The following IMMP2L variants were observed in gnomAD, a reference collection of about 807,000 sequenced individuals.
IMMP2L encodes inner mitochondrial membrane peptidase subunit 2.
IMMP2L carries 18 observed loss-of-function variants against 19.3 expected under a neutral mutation model. The ratio of observed to expected loss-of-function variants is 0.93; its 90% CI spans 0.64 to 1.38. The LOEUF is 1.38. Among genes scored for constraint, IMMP2L ranks in the 40% most tolerant of loss-of-function variants. The pLI is 0.00. For missense variants in IMMP2L, 233 were observed against 218.2 expected, an observed-to-expected ratio of 1.07 and a Z score of -0.43; for synonymous variants, 76 against 73.0, an observed-to-expected ratio of 1.04 and a Z score of -0.21.
At chr7:111,088,914 C>T (rs566276041) in intron 3 of IMMP2L, among the ~76,000 whole-genome samples, 2 of 152,188 alleles carry the variant, frequency 1.3e-5, no homozygotes, top group East Asian at 1.9e-4. Flanking sequence ...AGAACAGAAT[C>T]GCCATCCTTT....
At chr7:111,507,417 A>G (rs1034959032) in intron 2 of IMMP2L, among the ~76,000 whole-genome samples, 2 of 152,092 alleles carry the variant, frequency 1.3e-5, no homozygotes, top group African/African-American at 4.8e-5. Context: ...CATTAGGTAT[A>G]TCTTCTATTT....
Position 110,877,294 on chromosome 7 carries a change from A to G in IMMP2L, c.408+9299T>C, listed in dbSNP as rs567338174. Among the ~76,000 whole-genome samples the G allele has an allele frequency of 2.4e-4, 36 of 152,308 alleles. No individual in the cohort carries two copies. The South Asian group carries it at 7.0e-3, about 30-fold the overall frequency. ...CCCAGTTCTGGGCTACAGGGATACAAGGATGAGTTAGCTCCCATAGTTGCC... is the reference window on the plus strand; with the variant it reads ...CCCAGTTCTGGGCTACAGGGATACAGGGATGAGTTAGCTCCCATAGTTGCC... On this transcript the variant is annotated intron_variant, in intron 5 of 5. Coordinates refer to ENST00000405709, the MANE Select transcript of IMMP2L (RefSeq NM_032549.4). The surrounding 1 kb of genome is among the most constrained non-coding windows in gnomAD (Gnocchi z 4.0).
chr7:111,415,398 T>C (rs1834868396), intron 3 of IMMP2L, among the ~76,000 whole-genome samples: 1 of 151,708 alleles, frequency 6.6e-6, no homozygotes, highest in African/African-American at 2.4e-5. Flanking sequence ...AGCACAAAAT[T>C]CAGCTATGCC....
chr7:111,514,739 C>A (rs939756112), intron 2 of IMMP2L, among the ~76,000 whole-genome samples: 6 of 151,982 alleles, frequency 3.9e-5, no homozygotes, highest in Admixed American at 2.6e-4. Flanking sequence ...CATAGCCAAT[C>A]TTGTTTCATC....
At chr7:110,882,506 G>A (rs1239767268) in intron 5 of IMMP2L, among the ~76,000 whole-genome samples, 12 of 151,962 alleles carry the variant, frequency 7.9e-5, no homozygotes, top group Admixed American at 2.0e-4. Flanking sequence ...TCAGCCTCCC[G>A]AGTAGCTGAG....
chr7:110,891,646 T>C (rs1052023543), intron 4 of IMMP2L, among the ~76,000 whole-genome samples: 1 of 152,112 alleles, frequency 6.6e-6, no homozygotes, highest in Non-Finnish European at 1.5e-5. Context: ...TTAAAAAGTA[T>C]AAAGGGAATT....
intron 3 of IMMP2L, among the ~76,000 whole-genome samples, chr7:111,378,101 T>C (rs1830853212): frequency 2.0e-5 from 3 of 151,976 alleles, no homozygotes; most frequent in South Asian, 4.1e-4. Context: ...TAAAAAAAAC[T>C]GAAATATAAT....
intron 3 of IMMP2L, among the ~76,000 whole-genome samples, chr7:111,098,942 C>T (rs1447953237): frequency 6.6e-6 from 1 of 151,734 alleles, no homozygotes; most frequent in Non-Finnish European, 1.5e-5. Flanking sequence ...TCATATCATG[C>T]ATTCTGCTCA....
chr7:110,675,409 A>G lies in IMMP2L; in HGVS notation c.409-11688T>C, dbSNP rs142080401. 2.7e-3 allele frequency among the ~76,000 whole-genome samples: 408 copies of G among 152,144 alleles called. 6 individuals are homozygous for G. The highest frequency in any genetic ancestry group is 9.1e-3 in the African/African-American group (379 of 41,498). ...TTCTCCCATAGTTTTTCTCCCCCCA[A>G]ATGCAACCGTATTTCATCAAAGGCA... On this transcript the variant is annotated intron_variant, in intron 5 of 5. Coordinates refer to ENST00000405709, the MANE Select transcript of IMMP2L (RefSeq NM_032549.4).
chr7:110,733,476 G>A lies in IMMP2L; in HGVS notation c.409-69755C>T, dbSNP rs1353311114. Among the ~76,000 whole-genome samples the A allele has an allele frequency of 2.0e-5, 3 of 149,706 alleles. No individual in the cohort carries two copies. In the East Asian group the frequency reaches 5.8e-4, roughly 29 times the overall value. ...GGAGTGTTTTTTTTTTTTTTAGATA[G>A]GTTGCAAAGAGCCCAGCTAAAAATG... On this transcript the variant is annotated intron_variant, in intron 5 of 5. Coordinates refer to ENST00000405709, the MANE Select transcript of IMMP2L (RefSeq NM_032549.4).
chr7:111,227,875 C>T (rs1205471622), intron 3 of IMMP2L, among the ~76,000 whole-genome samples: 1 of 152,104 alleles, frequency 6.6e-6, no homozygotes, highest in Non-Finnish European at 1.5e-5. Context: ...GTATTTATAA[C>T]ATTTTGAGTA....
At chr7:111,030,273 A>T (rs1585843731) in intron 3 of IMMP2L, among the ~76,000 whole-genome samples, 3 of 152,234 alleles carry the variant, frequency 2.0e-5, no homozygotes, top group South Asian at 2.1e-4. Flanking sequence ...AAATTTTTTT[A>T]AAATGTGAAA....
chr7:111,274,235 C>G (rs1028786791), intron 3 of IMMP2L, among the ~76,000 whole-genome samples: 5 of 152,104 alleles, frequency 3.3e-5, no homozygotes, highest in African/African-American at 2.4e-5. Flanking sequence ...CTGGTAGGAT[C>G]ACCTTTTCAA....
At chr7:111,279,128 C>T (rs1015918918) in intron 3 of IMMP2L, among the ~76,000 whole-genome samples, 3 of 152,090 alleles carry the variant, frequency 2.0e-5, no homozygotes, top group Non-Finnish European at 4.4e-5. Flanking sequence ...CTCCCAATAA[C>T]AAATCTTATA....
At chr7:110,681,709 A>C (rs1307763103) in intron 5 of IMMP2L, among the ~76,000 whole-genome samples, 9 of 152,180 alleles carry the variant, frequency 5.9e-5, no homozygotes, top group African/African-American at 2.2e-4. Flanking sequence ...GAGACACAGA[A>C]TCAGGCCTTA....
chr7:111,049,136 CTTT>C (rs869087664), intron 3 of IMMP2L, among the ~76,000 whole-genome samples: 1 of 10,930 alleles, frequency 9.1e-5, no homozygotes, highest in African/African-American at 2.0e-4. Flanking sequence ...TTTTTTTTTT[CTTT>C]TTTTTTTTTG....
intron 3 of IMMP2L, among the ~76,000 whole-genome samples, chr7:111,274,689 G>A (rs1178217447): frequency 1.3e-5 from 2 of 152,134 alleles, no homozygotes; most frequent in Non-Finnish European, 2.9e-5. Flanking sequence ...TCTCAAAAGA[G>A]AGAAGGGTTT....
chr7:110,898,552 T>C (rs17158123), intron 4 of IMMP2L, among the ~76,000 whole-genome samples: 3,105 of 152,270 alleles, frequency 0.02, 123 homozygotes, highest in African/African-American at 0.071. Context: ...AAAAGTTTGC[T>C]ATTTATTGCA....
chr7:111,084,287 G>A (rs1301096338), intron 3 of IMMP2L, among the ~76,000 whole-genome samples: 2 of 130,154 alleles, frequency 1.5e-5, no homozygotes, highest in Non-Finnish European at 3.2e-5. Context: ...CGAGGCAGCA[G>A]CAGAAATAAA....
Sources: allele counts gnomAD v4.1 joint callset (sites outside exome capture counted in the v4.1 genomes callset), GRCh38; gene constraint gnomAD v4.1.1; non-coding constraint Gnocchi (gnomAD v3.1); transcripts MANE v1.5; gene names NCBI Gene and HGNC (gene_info 2026-07-23, HGNC 2026-07-21).